The following RBPJ variants were observed in gnomAD, a reference collection of about 807,000 sequenced individuals.
RBPJ encodes the protein recombining binding protein suppressor of hairless.
Under a neutral mutation model 67.8 loss-of-function variants are expected in RBPJ, and 9 were observed. That is an observed-to-expected ratio of 0.13 (90% CI 0.08 to 0.23). The LOEUF is 0.23. RBPJ is among the 10% of genes least tolerant of loss of function. RBPJ has a pLI of 1.00. For missense variants in RBPJ, 305 were observed against 595.6 expected, an observed-to-expected ratio of 0.51 and a Z score of 5.08; for synonymous variants, 198 against 203.3, an observed-to-expected ratio of 0.97 and a Z score of 0.22.
chr4:26,386,901 A>T (rs1730971963), intron 2 of RBPJ, among the ~76,000 whole-genome samples: 1 of 152,208 alleles, frequency 6.6e-6, no homozygotes, highest in Non-Finnish European at 1.5e-5. Flanking sequence ...CCAGAATTGT[A>T]AAATAAAGAG....
At chr4:26,125,734 G>A in the RBPJ span, among the ~76,000 whole-genome samples, 4 of 151,950 alleles carry the variant, frequency 2.6e-5, no homozygotes, top group African/African-American at 7.3e-5. Context: ...GGGAGGTGGA[G>A]GTTGCAGTGA....
chr4:26,277,919 A>C (rs1010134070), intron 1 of RBPJ, among the ~76,000 whole-genome samples: 8 of 152,186 alleles, frequency 5.3e-5, no homozygotes. Flanking sequence ...TTATTTTCAC[A>C]TGTGTCAATC....
At chr4:26,352,470 A>T (rs1296527701) in intron 1 of RBPJ, among the ~76,000 whole-genome samples, 1 of 152,116 alleles carries the variant, frequency 6.6e-6, no homozygotes, top group African/African-American at 2.4e-5. Context: ...TTGTAGGGGG[A>T]CACAAACATT....
intron 1 of RBPJ, among the ~76,000 whole-genome samples, chr4:26,294,777 G>T (rs1721804701): frequency 6.6e-6 from 1 of 151,922 alleles, no homozygotes; most frequent in African/African-American, 2.4e-5. Flanking sequence ...AGCTACTCGG[G>T]AGGCTGAGGC....
At chr4:26,210,686 CCTTTCT>C in intron 1 of RBPJ, among the ~76,000 whole-genome samples, 1 of 65,432 alleles carries the variant, frequency 1.5e-5, no homozygotes, top group Non-Finnish European at 3.3e-5. Context: ...TTCTTTCTTT[CCTTTCT>C]TTCTTTCTTT....
intron 1 of RBPJ, among the ~76,000 whole-genome samples, chr4:26,243,260 A>T (rs2109221829): frequency 6.6e-6 from 1 of 152,282 alleles, no homozygotes. Context: ...AAAGTAAAAG[A>T]ACACTCTATC....
intron 1 of RBPJ, among the ~76,000 whole-genome samples, chr4:26,342,338 C>T (rs1037718841): frequency 5.3e-5 from 8 of 150,806 alleles, no homozygotes; most frequent in Admixed American, 2.0e-4. Flanking sequence ...ACCTTGCCAT[C>T]GTTTGGTGAG....
chr4:26,412,152 T>C (rs909587083), intron 3 of RBPJ, among the ~76,000 whole-genome samples: 3 of 150,932 alleles, frequency 2.0e-5, no homozygotes, highest in Non-Finnish European at 4.4e-5. Context: ...TGATAACTCA[T>C]TGAGATTTGA....
At chr4:26,272,000 G>GAAA (rs1383588746) in intron 1 of RBPJ, among the ~76,000 whole-genome samples, 6 of 152,204 alleles carry the variant, frequency 3.9e-5, no homozygotes, top group Non-Finnish European at 5.9e-5. Flanking sequence ...CCAGTGCCTT[G>GAAA]GGTCACTTGC....
the RBPJ span, among the ~76,000 whole-genome samples, chr4:26,118,866 C>T: frequency 1.3e-5 from 2 of 152,202 alleles, no homozygotes; most frequent in African/African-American, 4.8e-5. Context: ...ATCACACACT[C>T]TTGAAAACTT....
At chr4:26,316,827 C>CCCT (rs1722664366), upstream of RBPJ, among the ~76,000 whole-genome samples, 1 of 71,372 alleles carries the variant, frequency 1.4e-5, no homozygotes, top group Non-Finnish European at 2.6e-5. Flanking sequence ...ACCCAGACGA[C>CCCT]TTTTTTTTTT....
chr4:26,383,193 G>A (rs143807817), intron 1 of RBPJ, among the ~76,000 whole-genome samples: 154 of 152,238 alleles, frequency 1.0e-3, no homozygotes, highest in Non-Finnish European at 1.7e-3. Flanking sequence ...TTGCACAGGC[G>A]TGTTTTGTAA....
At chr4:26,200,327 AC>A (rs1294891165) in intron 1 of RBPJ, among the ~76,000 whole-genome samples, 1 of 152,190 alleles carries the variant, frequency 6.6e-6, no homozygotes, top group Non-Finnish European at 1.5e-5. Flanking sequence ...TAGAAAGATG[AC>A]TAACTTCACC....
the RBPJ span, among the ~76,000 whole-genome samples, chr4:26,148,608 G>A: frequency 6.6e-6 from 1 of 152,176 alleles, no homozygotes; most frequent in East Asian, 1.9e-4. Flanking sequence ...TAAAGGAAAA[G>A]GACATGGTCT....
At chr4:26,139,149 A>AC in the RBPJ span, among the ~76,000 whole-genome samples, 78,840 of 152,052 alleles carry the variant, frequency 0.52, 20,581 homozygotes, top group East Asian at 0.6. Flanking sequence ...ACGGCCACAG[A>AC]CCCAATCTCT....
Position 26,295,245 on chromosome 4 carries a change from A to AGTGTGTGTGTGTGTGT in RBPJ, c.-166-67191_-166-67176dup, listed in dbSNP as rs71932374. Among the ~76,000 whole-genome samples the AGTGTGTGTGTGTGTGT allele has an allele frequency of 9.1e-3, 1,345 of 147,106 alleles. 23 individuals are homozygous for AGTGTGTGTGTGTGTGT. Among genetic ancestry groups the AGTGTGTGTGTGTGTGT allele is most frequent in the African/African-American group, 0.03 (1,209 of 40,158 alleles). ...GTTGTCCAGGAAGAAAGGGTGCATCAGTGTGTGTGTGTGTGTGTGTGTGTG... is the reference window on the plus strand; with the variant it reads ...GTTGTCCAGGAAGAAAGGGTGCATCAGTGTGTGTGTGTGTGTGTGTGTGTGTGTGTGTGTGTGTGTG... On this transcript the variant is annotated intron_variant, in intron 1 of 4. Transcript: ENST00000512351.
At chr4:26,389,838 C>T (rs911964137) in intron 2 of RBPJ, among the ~76,000 whole-genome samples, 3 of 151,992 alleles carry the variant, frequency 2.0e-5, no homozygotes, top group African/African-American at 7.3e-5. Flanking sequence ...GCCCAGATGG[C>T]TTCACTGTTG....
chr4:26,254,181 A>G (rs1489423343), intron 1 of RBPJ, among the ~76,000 whole-genome samples: 2 of 148,826 alleles, frequency 1.3e-5, no homozygotes, highest in Admixed American at 6.6e-5. Flanking sequence ...CTTCCACTCT[A>G]GCACTTTCCA....
At chr4:26,243,184 G>A (rs547148170) in intron 1 of RBPJ, among the ~76,000 whole-genome samples, 181 of 152,210 alleles carry the variant, frequency 1.2e-3, no homozygotes, top group African/African-American at 3.7e-3. Flanking sequence ...CTGAGATCAC[G>A]CCACTGCACT....
Sources: gnomAD v4.1 joint callset for allele counts (sites outside exome capture counted in the v4.1 genomes callset) on GRCh38, gnomAD v4.1.1 for gene constraint, MANE v1.5 for transcripts, NCBI Gene and HGNC (gene_info 2026-07-23, HGNC 2026-07-21) for gene names.